Variants in NPAS3 observed in about 807,000 individuals in gnomAD.
NPAS3 encodes neuronal PAS domain-containing protein 3.
Under a neutral mutation model 73.1 loss-of-function variants are expected in NPAS3, and 14 were observed. That is an observed-to-expected ratio of 0.19 (90% CI 0.13 to 0.30). NPAS3 has a LOEUF of 0.30. Ranked by LOEUF, NPAS3 falls within the 10% of genes least tolerant of loss-of-function variation. The pLI is 1.00. For missense variants in NPAS3, 1,096 were observed against 1,250.0 expected (o/e 0.88, Z 1.86); for synonymous variants, 620 against 541.5 (o/e 1.14, Z -2.01).
At chr14:33,328,247 G>C (rs539514727) in intron 3 of NPAS3, among the ~76,000 whole-genome samples, 2 of 151,868 alleles carry the variant, frequency 1.3e-5, no homozygotes, top group African/African-American at 4.8e-5. Context: ...CTCAGGTATA[G>C]AGCTTCTTTT....
intron 2 of NPAS3, among the ~76,000 whole-genome samples, chr14:33,072,623 G>A (rs574005400): frequency 2.0e-5 from 3 of 152,216 alleles, no homozygotes; most frequent in South Asian, 4.2e-4. Flanking sequence ...AACCCTGAAT[G>A]GATATTTTGC....
chr14:33,250,585 ACTGT>A lies in NPAS3; in HGVS notation c.385+35164_385+35167del, dbSNP rs530968315. 2.0e-4 allele frequency among the ~76,000 whole-genome samples: 31 copies of A among 152,274 alleles called. No individual in the cohort carries two copies. In the South Asian group the frequency reaches 3.7e-3, roughly 18 times the overall value. ...ATTCGCTAGACACTTTCTAAAGTGG[ACTGT>A]CTGTTTACTTTGACTTGCACCCTAT... On this transcript the variant is annotated intron_variant, in intron 3 of 11. Coordinates refer to ENST00000356141, the Ensembl canonical transcript of NPAS3.
intron 2 of NPAS3, among the ~76,000 whole-genome samples, chr14:33,063,934 CATA>C (rs1268543435): frequency 6.6e-6 from 1 of 152,146 alleles, no homozygotes; most frequent in African/African-American, 2.4e-5. Flanking sequence ...CAAGAAAAGT[CATA>C]ATGACTATGG....
At chr14:33,283,913 C>A (rs117627039) in intron 3 of NPAS3, among the ~76,000 whole-genome samples, 6,102 of 152,096 alleles carry the variant, frequency 0.04, 140 homozygotes, top group Non-Finnish European at 0.06. Flanking sequence ...TCCCGTAAAC[C>A]CTGTGAGGAT....
chr14:33,127,031 A>C (rs1439484986), intron 2 of NPAS3, among the ~76,000 whole-genome samples: 1 of 151,614 alleles, frequency 6.6e-6, no homozygotes, highest in Non-Finnish European at 1.5e-5. Context: ...TTCCATCTCC[A>C]CTGCCCTGGC....
At position 33,548,339 on chromosome 14, in the gene NPAS3, T is replaced by C. The variant is rs995172795; in HGVS notation, c.469-11782T>C. On this transcript the variant is annotated intron_variant, in intron 4 of 11. Transcript: ENST00000356141. Reference sequence around the variant, plus strand: ...ATATCCATTTTTAAATTATTTTTGTTCTAACACATCTTCAGCTATTTAAGA... The same window carrying C: ...ATATCCATTTTTAAATTATTTTTGTCCTAACACATCTTCAGCTATTTAAGA... Among the ~76,000 whole-genome samples, 18 of 152,346 alleles carry C rather than the reference T, an allele frequency of 1.2e-4. No individual in the cohort carries two copies. In the Middle Eastern group the frequency reaches 0.014, roughly 115 times the overall value.
chr14:33,042,404 TCAA>T (rs2040374706), intron 1 of NPAS3, among the ~76,000 whole-genome samples: 2 of 152,168 alleles, frequency 1.3e-5, no homozygotes, highest in Non-Finnish European at 2.9e-5. Flanking sequence ...ACGAATATGT[TCAA>T]CAAGGACTTG....
At chr14:33,561,067 GCC>G (rs1280471844) in intron 5 of NPAS3, among the ~76,000 whole-genome samples, 7 of 152,202 alleles carry the variant, frequency 4.6e-5, no homozygotes, top group African/African-American at 1.7e-4. Context: ...GGAAAACACT[GCC>G]TCAGTGGGAG....
At chr14:33,568,572 A>G (rs1021251006) in intron 5 of NPAS3, among the ~76,000 whole-genome samples, 1 of 152,208 alleles carries the variant, frequency 6.6e-6, no homozygotes, top group Non-Finnish European at 1.5e-5. Flanking sequence ...CAAACTGCTC[A>G]TATGAAGAAA....
At chr14:33,737,912 A>G (rs2061563101) in intron 7 of NPAS3, among the ~76,000 whole-genome samples, 11 of 152,176 alleles carry the variant, frequency 7.2e-5, no homozygotes, top group Admixed American at 7.2e-4. Context: ...ATCTTTTCCC[A>G]TAAAGATCCT....
At position 33,349,117 on chromosome 14, in the gene NPAS3, G is replaced by A. The variant is rs2044895076; in HGVS notation, c.386-18069G>A. On this transcript the variant is annotated intron_variant, in intron 3 of 11. Coordinates refer to ENST00000356141, the Ensembl canonical transcript of NPAS3. ...ATGTTTCTAGGAAAATGAAATGTGG[G>A]GATTAACTATGGCTTTTCTTTATTT... Among the ~76,000 whole-genome samples the A allele has an allele frequency of 2.6e-5, 4 of 152,036 alleles. 1 individual carries two copies. In the South Asian group the frequency reaches 8.3e-4, roughly 32 times the overall value.
intron 9 of NPAS3, among the ~76,000 whole-genome samples, chr14:33,790,049 T>C (rs1595620509): frequency 6.6e-6 from 1 of 152,348 alleles, no homozygotes; most frequent in East Asian, 1.9e-4. Context: ...TAGAGGTACC[T>C]AGACCATATG....
At chr14:33,701,063 G>A (rs2060512256) in intron 6 of NPAS3, among the ~76,000 whole-genome samples, 1 of 152,170 alleles carries the variant, frequency 6.6e-6, no homozygotes, top group South Asian at 2.1e-4. Context: ...AAAGGGGAGA[G>A]GAGAGGAGAA....
At position 33,624,399 on chromosome 14, in the gene NPAS3, T is replaced by A. The variant is rs183618277; in HGVS notation, c.559-51812T>A. Among the ~76,000 whole-genome samples the A allele has an allele frequency of 3.9e-5, 6 of 152,306 alleles. No homozygotes were observed. The East Asian group carries it at 9.6e-4, about 24-fold the overall frequency. ...CTAACCGGGTCTCTTTGGATAGGATTTGGGGGATTTGTGAATCTCTGAAAT... is the reference window on the plus strand; with the variant it reads ...CTAACCGGGTCTCTTTGGATAGGATATGGGGGATTTGTGAATCTCTGAAAT... On this transcript the variant is annotated intron_variant, in intron 5 of 11. Coordinates refer to ENST00000356141, the Ensembl canonical transcript of NPAS3.
rs370336119 is a variant in NPAS3 at position 33,093,095 on chromosome 14, CA to C, written c.140+37102del. On this transcript the variant is annotated intron_variant, in intron 2 of 11. Coordinates refer to ENST00000356141, the Ensembl canonical transcript of NPAS3. The stretch of plus-strand genomic sequence containing the variant: ...ATGTCTAAAACACCAAAAGCAATGG[CA>C]GCAAAAGCCAAAATTGACAAATGGG... 5.5e-4 allele frequency among the ~76,000 whole-genome samples: 84 copies of C among 152,302 alleles called. 1 individual carries two copies. In the East Asian group the frequency reaches 0.014, roughly 26 times the overall value.
chr14:33,330,277 A>G (rs930979098), intron 3 of NPAS3, among the ~76,000 whole-genome samples: 2 of 152,056 alleles, frequency 1.3e-5, no homozygotes, highest in Non-Finnish European at 2.9e-5. Context: ...AACAACAAAA[A>G]ACACTGCACG....
chr14:33,100,276 A>T (rs2042544656), intron 2 of NPAS3, among the ~76,000 whole-genome samples: 1 of 152,188 alleles, frequency 6.6e-6, no homozygotes, highest in African/African-American at 2.4e-5. Context: ...TAAGATACAA[A>T]GTTGGGATAG....
chr14:33,188,802 T>A (rs962897970), intron 2 of NPAS3, among the ~76,000 whole-genome samples: 72 of 152,328 alleles, frequency 4.7e-4, no homozygotes, highest in African/African-American at 1.7e-3. Flanking sequence ...TGTATATCTT[T>A]ACAGAATTAC....
chr14:33,758,182 A>C (rs1300292155), intron 7 of NPAS3, among the ~76,000 whole-genome samples: 1 of 152,130 alleles, frequency 6.6e-6, no homozygotes, highest in African/African-American at 2.4e-5. Context: ...CACCTCCTCC[A>C]GCACCTCCCC....
Sources: allele counts gnomAD v4.1 joint callset (sites outside exome capture counted in the v4.1 genomes callset), GRCh38; gene constraint gnomAD v4.1.1; transcripts MANE v1.5; gene names NCBI Gene and HGNC (gene_info 2026-07-23, HGNC 2026-07-21).